TNFSF14: variants seen among roughly 807,000 people sequenced by gnomAD.
TNFSF14 encodes TNF superfamily member 14.
Under a neutral mutation model 22.7 loss-of-function variants are expected in TNFSF14, and 15 were observed. The observed-to-expected ratio is 0.66, with a 90% CI of 0.44 to 1.02. The LOEUF (loss-of-function observed/expected upper bound fraction) is 1.02, where lower values mean the gene tolerates loss of function less well. TNFSF14 is among the 50% of genes least tolerant of loss of function. The probability of loss-of-function intolerance (pLI) is 0.00; values close to 1 mark genes in which losing one functional copy is unlikely to be tolerated. For missense variants in TNFSF14, 287 were observed against 326.2 expected, an observed-to-expected ratio of 0.88 and a Z score of 0.93; for synonymous variants, 133 against 139.6, an observed-to-expected ratio of 0.95 and a Z score of 0.33.
Position 6,664,776 on chromosome 19 carries a change from G to A in TNFSF14, c.*150C>T, listed in dbSNP as rs1418722956. 2.1e-6 allele frequency: 2 copies of A among 958,434 alleles called. No individual in the cohort carries two copies. Among genetic ancestry groups the A allele is most frequent in the African/African-American group, 3.3e-5 (2 of 61,410 alleles). The allele number at this position is 958,434 out of a possible 1,614,324, so 59.4% of individuals were successfully genotyped here. A position where few individuals can be genotyped will look rare whatever the true frequency, so the allele number is the denominator to read the frequency against. ...GCTGGTCTCGAACTCCTGACCTCAG[G>A]TGATCCGCCTGCCTTGGCCTCCCAA... is the stretch of plus-strand genomic sequence containing the variant. On this transcript the variant is annotated 3_prime_UTR_variant, in exon 4 of 4. Transcript: ENST00000675206. The surrounding 1 kb of genome is among the most constrained non-coding windows in gnomAD (Gnocchi z 4.7).
chr19:6,669,978 T>G lies in TNFSF14; in HGVS notation c.92A>C (p.Gln31Pro). The change falls in exon 1 of 4, where the codon CAG becomes CCG. Residue 31 changes from glutamine (Q) to proline (P), a missense_variant. By Grantham distance (76) the Gln-to-Pro change is moderately conservative. Transcript: ENST00000675206. The part of the protein sequence containing the change: ...FTRLGRSHRR[Q>P]SCSVARVGLG... ...ACCCACCCGGGCCACACTGCACGAC[T>G]GTCTCCGGTGGCTTCGTCCCAGCCT... 2 of 1,614,146 alleles carry G rather than the reference T, an allele frequency of 1.2e-6. No homozygotes were observed. The highest frequency in any genetic ancestry group is 1.7e-6 in the Non-Finnish European group (2 of 1,180,014).
At chr19:6,669,769 CACACAG>C (rs1917542866) in intron 1 of TNFSF14, 76 bp downstream of exon 1, 12 of 1,541,154 alleles carry the variant, frequency 7.8e-6, no homozygotes, top group Admixed American at 1.7e-5. Flanking sequence ...CACACACACA[CACACAG>C]ACACACAGTG....
chr19:6,668,460 C>CT, intron 1 of TNFSF14, among the ~76,000 whole-genome samples: 1 of 152,120 alleles, frequency 6.6e-6, no homozygotes, highest in Non-Finnish European at 1.5e-5. Context: ...AATCCCAGCA[C>CT]TTTGGGAGGC....
Position 6,665,016 on chromosome 19 carries a change from A to T in TNFSF14, c.633T>A (p.Ala211=). 6.2e-7 allele frequency: 1 copy of T among 1,613,892 alleles called. No individual in the cohort carries two copies. The highest frequency in any genetic ancestry group is 1.3e-5 in the African/African-American group (1 of 75,030). ...SFLGGVVHLE[A]GEKVVVRVLD... ...GCACACGGACGACCACCTTCTCCCC[A>T]GCCTCCAGGTGTACCACACCACCCA... is the stretch of plus-strand genomic sequence containing the variant. The change falls in exon 4 of 4, where the codon GCT becomes GCA. Residue 211 remains alanine (A), a synonymous_variant. Transcript: ENST00000675206.
At chr19:6,670,541 T>G (rs190812243), upstream of TNFSF14, 31 of 161,386 alleles carry the variant, frequency 1.9e-4, no homozygotes, top group East Asian at 5.2e-3. Context: ...TAATACGTTG[T>G]GGGTTTTTTT....
Position 6,666,755 on chromosome 19 carries a change from G to A in TNFSF14, c.298+358C>T, listed in dbSNP as rs569699351. The stretch of plus-strand genomic sequence containing the variant: ...TACTAAAAATACAACAAAATTAACC[G>A]GGTGTGGTGGTGCATGCCTGTAATC... On this transcript the variant is annotated intron_variant, in intron 3 of 3. Coordinates refer to ENST00000675206, the MANE Select transcript of TNFSF14 (RefSeq NM_001376887.1). Among the ~76,000 whole-genome samples the A allele has an allele frequency of 9.7e-4, 147 of 152,152 alleles. 1 individual carries two copies. Among genetic ancestry groups the A allele is most frequent in the African/African-American group, 3.0e-3 (126 of 41,510 alleles).
chr19:6,665,334 C>A lies in TNFSF14; in HGVS notation c.315G>T (p.Leu105Phe). 6.3e-7 allele frequency: 1 copy of A among 1,586,500 alleles called. No homozygotes were observed. Among genetic ancestry groups the A allele is most frequent in the South Asian group, 1.1e-5 (1 of 88,022 alleles). ...AAHLTGANSSLTGSGGPLLWE... is the reference protein window; with the variant it reads ...AAHLTGANSSFTGSGGPLLWE... ...ATAACAGCGGCCCCCCGCTGCCGGT[C>A]AAGCTGGAGTTGGCCCCTGTTGGGA... is the stretch of plus-strand genomic sequence containing the variant. The change falls in exon 4 of 4, where the codon TTG (leucine) becomes TTT (phenylalanine). Residue 105 changes from leucine (L) to phenylalanine (F), a missense_variant. Coordinates refer to ENST00000675206, the MANE Select transcript of TNFSF14 (RefSeq NM_001376887.1).
chr19:6,667,379 C>A, intron 2 of TNFSF14, 34 bp downstream of exon 2: 2 of 1,525,120 alleles, frequency 1.3e-6, no homozygotes, highest in Non-Finnish European at 8.8e-7. Context: ...GGAATCATCA[C>A]ACCTCCTTCC....
chr19:6,669,914 G>GGCCA lies in TNFSF14; in HGVS notation c.152_155dup (p.Val53GlyfsTer23). On this transcript the variant is annotated frameshift_variant, in exon 1 of 4. Coordinates refer to ENST00000675206, the MANE Select transcript of TNFSF14 (RefSeq NM_001376887.1). LOFTEE classifies it high-confidence loss of function. ...GCTGCAGGAGGAACCAGCCTTGGAC[G>GGCCA]GCCAGCCCGGCCCCCATCAGCAACA... is the stretch of plus-strand genomic sequence containing the variant. 6.2e-7 allele frequency: 1 copy of GGCCA among 1,613,878 alleles called. No individual in the cohort carries two copies. Among genetic ancestry groups the GGCCA allele is most frequent in the Non-Finnish European group, 8.5e-7 (1 of 1,179,978 alleles).
At chr19:6,666,935 T>TA (rs1376617289) in intron 3 of TNFSF14, among the ~76,000 whole-genome samples, 178 bp downstream of exon 3, 1 of 145,144 alleles carries the variant, frequency 6.9e-6, no homozygotes, top group East Asian at 2.1e-4. Context: ...TAAATAGAAA[T>TA]AAAAAATAAT....
At chr19:6,668,004 T>C (rs1470118863) in intron 1 of TNFSF14, among the ~76,000 whole-genome samples, 3 of 152,034 alleles carry the variant, frequency 2.0e-5, no homozygotes, top group Non-Finnish European at 4.4e-5. Context: ...CACTGCACTC[T>C]AGCCTAGGTG....
intron 3 of TNFSF14, among the ~76,000 whole-genome samples, chr19:6,666,624 G>A (rs1463739448): frequency 3.3e-5 from 5 of 152,276 alleles, no homozygotes; most frequent in South Asian, 2.1e-4. Flanking sequence ...GGCCGGGCCC[G>A]GTGGCTCACG....
Position 6,663,019 on chromosome 19 carries a change from CACCACTTGT to C in TNFSF14, c.*1898_*1906del. 1 of 152,246 alleles carries C rather than the reference CACCACTTGT, an allele frequency of 6.6e-6. No individual in the cohort carries two copies. The highest frequency in any genetic ancestry group is 2.1e-4 in the South Asian group (1 of 4,834). The allele number at this position is 152,246 out of a possible 1,614,324, so 9.4% of individuals were successfully genotyped here. On this transcript the variant is annotated 3_prime_UTR_variant, in exon 4 of 4. Transcript: ENST00000675206. ...CCTCCATCCCTCTGCCTCTAGGAGC[CACCACTTGT>C]TGCTGATGGTTGCCCCCCATCCGAC...
At chr19:6,669,820 C>T in intron 1 of TNFSF14, 31 bp downstream of exon 1, 3 of 1,605,654 alleles carry the variant, frequency 1.9e-6, no homozygotes, top group Non-Finnish European at 2.5e-6. Context: ...CCCTCACCTC[C>T]ACCTGCTCTC....
intron 1 of TNFSF14, among the ~76,000 whole-genome samples, chr19:6,668,246 C>T (rs1374886246): frequency 2.0e-5 from 3 of 151,736 alleles, no homozygotes; most frequent in Non-Finnish European, 4.4e-5. Context: ...GCCTGTAGTC[C>T]CAGCTACTCA....
At chr19:6,665,538 A>G (rs1418760684) in intron 3 of TNFSF14, among the ~76,000 whole-genome samples, 188 bp from the exon 4 acceptor site, 1 of 152,040 alleles carries the variant, frequency 6.6e-6, no homozygotes, top group Non-Finnish European at 1.5e-5. Flanking sequence ...TCTCCTGAGT[A>G]GCTGGGACTA....
rs1450406863 is a variant in TNFSF14, at chr19:6,664,231, C to G, written c.*695G>C. On this transcript the variant is annotated 3_prime_UTR_variant, in exon 4 of 4. Transcript: ENST00000675206. This position sits in a 1 kb window ranked among gnomAD's most constrained non-coding sequence, Gnocchi z 4.7. The stretch of plus-strand genomic sequence containing the variant: ...GGGAAGTGGATGAAGTTTCCCACCC[C>G]CAGCCAAGTCCCTGGAATCCCAAGC... The G allele has an allele frequency of 6.6e-6, 1 of 152,152 alleles. No individual in the cohort carries two copies. Among genetic ancestry groups the G allele is most frequent in the Non-Finnish European group, 1.5e-5 (1 of 68,068 alleles). The allele number at this position is 152,152 out of a possible 1,614,324, so 9.4% of individuals were successfully genotyped here.
Position 6,669,925 on chromosome 19 carries a change from C to A in TNFSF14, c.145G>T (p.Ala49Ser). 6.2e-7 allele frequency: 1 copy of A among 1,613,860 alleles called. No individual in the cohort carries two copies. The highest frequency in any genetic ancestry group is 2.2e-5 in the East Asian group (1 of 44,888). ...GLGLLLLLMG[A>S]GLAVQGWFLL... is the part of the protein sequence containing the mutation. The stretch of plus-strand genomic sequence containing the variant: ...AACCAGCCTTGGACGGCCAGCCCGG[C>A]CCCCATCAGCAACAGCAAGAGACCC... The change falls in exon 1 of 4, where the codon GCC becomes TCC. Residue 49 changes from alanine (A) to serine (S), a missense_variant. Coordinates refer to ENST00000675206, the MANE Select transcript of TNFSF14 (RefSeq NM_001376887.1).
intron 1 of TNFSF14, among the ~76,000 whole-genome samples, chr19:6,668,581 C>A (rs1296388721): frequency 6.6e-6 from 1 of 152,084 alleles, no homozygotes; most frequent in African/African-American, 2.4e-5. Flanking sequence ...TGGCGGATGC[C>A]TGTGATCCCA....
Sources: gnomAD v4.1 joint callset for allele counts (sites outside exome capture counted in the v4.1 genomes callset) on GRCh38, gnomAD v4.1.1 for gene constraint, Gnocchi (gnomAD v3.1) non-coding constraint, MANE v1.5 for transcripts, NCBI Gene and HGNC (gene_info 2026-07-23, HGNC 2026-07-21) for gene names.